PDE1A: variants seen among roughly 807,000 people sequenced by gnomAD.
PDE1A encodes dual specificity calcium/calmodulin-dependent 3',5'-cyclic nucleotide phosphodiesterase 1A.
PDE1A carries 35 observed loss-of-function variants against 61.7 expected under a neutral mutation model. The observed-to-expected ratio is 0.57, with a 90% confidence interval of 0.43 to 0.75. The LOEUF (loss-of-function observed/expected upper bound fraction) is 0.75. PDE1A is among the 30% of genes least tolerant of loss of function. The pLI is 0.00. For missense variants in PDE1A, 597 were observed against 630.6 expected, an observed-to-expected ratio of 0.95 and a Z score of 0.57; for synonymous variants, 232 against 213.2, an observed-to-expected ratio of 1.09 and a Z score of -0.77.
Position 182,240,245 on chromosome 2 carries a change from GAGTC to G in PDE1A, c.211_214del (p.Asp71GlnfsTer20). 1 of 1,612,486 alleles carries G rather than the reference GAGTC, an allele frequency of 6.2e-7. No individual in the cohort carries two copies. The highest frequency in any genetic ancestry group is 2.2e-5 in the East Asian group (1 of 44,856). The stretch of plus-strand genomic sequence containing the variant: ...CCAGTCCCGGACTTCAGATGGGACT[GAGTC>G]AGTCTGAATGTCACTGAGCTCATCT... On this transcript the variant is annotated frameshift_variant, in exon 3 of 14. Coordinates refer to ENST00000351439, the Ensembl canonical transcript of PDE1A. LOFTEE classifies it high-confidence loss of function.
chr2:182,245,856 T>C (rs1274180718), intron 2 of PDE1A, among the ~76,000 whole-genome samples: 1 of 149,794 alleles, frequency 6.7e-6, no homozygotes, highest in Non-Finnish European at 1.5e-5. Context: ...AGGAACACAA[T>C]GGCTGGATGG....
At chr2:182,414,201 A>G (rs1285804873) in intron 1 of PDE1A, among the ~76,000 whole-genome samples, 1 of 152,136 alleles carries the variant, frequency 6.6e-6, no homozygotes, top group Non-Finnish European at 1.5e-5. Context: ...TTTGAAGATA[A>G]ATGAATGGAA....
At chr2:182,331,440 T>C (rs2124946584) in intron 1 of PDE1A, among the ~76,000 whole-genome samples, 1 of 152,302 alleles carries the variant, frequency 6.6e-6, no homozygotes, top group East Asian at 1.9e-4. Flanking sequence ...TTCTTCATAG[T>C]GTCGATGGTC....
intron 1 of PDE1A, among the ~76,000 whole-genome samples, chr2:182,294,890 A>G (rs958427179): frequency 2.0e-5 from 3 of 152,050 alleles, no homozygotes; most frequent in Non-Finnish European, 2.9e-5. Context: ...ATAAGGGAAC[A>G]GAGGGAAACA....
At chr2:182,478,768 T>G (rs1443459875) in intron 2 of PDE1A, among the ~76,000 whole-genome samples, 1 of 151,852 alleles carries the variant, frequency 6.6e-6, no homozygotes, top group Non-Finnish European at 1.5e-5. Context: ...CTATATAACT[T>G]TTCATGCCCC....
At chr2:182,606,852 T>A in the PDE1A span, among the ~76,000 whole-genome samples, 5 of 152,136 alleles carry the variant, frequency 3.3e-5, no homozygotes, top group East Asian at 9.6e-4. Flanking sequence ...GAAGAGCAAG[T>A]ACAAAGGTGT....
intron 8 of PDE1A, among the ~76,000 whole-genome samples, chr2:182,205,259 T>C (rs1476129199): frequency 1.3e-5 from 2 of 152,186 alleles, no homozygotes; most frequent in African/African-American, 2.4e-5. Context: ...GAAGTTCATA[T>C]TTAATTGATT....
intron 1 of PDE1A, among the ~76,000 whole-genome samples, chr2:182,400,833 T>TCA (rs1409632919): frequency 6.6e-6 from 1 of 152,186 alleles, no homozygotes; most frequent in Non-Finnish European, 1.5e-5. Context: ...TCTAAACTCG[T>TCA]CACAGAGATT....
At chr2:182,541,051 G>T in the PDE1A span, among the ~76,000 whole-genome samples, 2 of 152,030 alleles carry the variant, frequency 1.3e-5, no homozygotes, top group Admixed American at 6.6e-5. Context: ...AGGAACGATG[G>T]CTGATTGGCT....
At chr2:182,208,462 C>A (rs965565328) in intron 7 of PDE1A, among the ~76,000 whole-genome samples, 3 of 152,180 alleles carry the variant, frequency 2.0e-5, no homozygotes, top group Non-Finnish European at 2.9e-5. Context: ...GATCCAGTTA[C>A]CTCCCAACAG....
chr2:182,596,595 AAAAC>A, the PDE1A span, among the ~76,000 whole-genome samples: 1 of 152,228 alleles, frequency 6.6e-6, no homozygotes, highest in Non-Finnish European at 1.5e-5. Context: ...ACTCCATTGA[AAAAC>A]AAATAAGGCT....
At chr2:182,393,225 G>A (rs758206867) in intron 1 of PDE1A, among the ~76,000 whole-genome samples, 3 of 152,142 alleles carry the variant, frequency 2.0e-5, no homozygotes, top group Non-Finnish European at 4.4e-5. Context: ...GCAGCCACAC[G>A]CCCAACACCA....
intron 13 of PDE1A, among the ~76,000 whole-genome samples, chr2:182,153,998 T>A (rs1690933001): frequency 1.3e-5 from 2 of 152,230 alleles, no homozygotes; most frequent in Non-Finnish European, 2.9e-5. Context: ...ACAAATTAAC[T>A]GTAGAATATT....
intron 1 of PDE1A, among the ~76,000 whole-genome samples, chr2:182,374,869 A>T (rs575445083): frequency 6.6e-6 from 1 of 152,352 alleles, no homozygotes; most frequent in Non-Finnish European, 1.5e-5. Flanking sequence ...TTACAGTTGC[A>T]TATGGCTGGG....
downstream of PDE1A, among the ~76,000 whole-genome samples, chr2:182,164,368 C>T (rs1691541016): frequency 6.6e-6 from 1 of 152,020 alleles, no homozygotes; most frequent in African/African-American, 2.4e-5. Flanking sequence ...TGGTCAAGGA[C>T]TTGGAAGGAA....
the PDE1A span, among the ~76,000 whole-genome samples, chr2:182,598,963 C>G: frequency 1.3e-5 from 2 of 152,180 alleles, no homozygotes; most frequent in East Asian, 3.9e-4. Context: ...GGCTGGAGTT[C>G]TCCAGACAGC....
At chr2:182,248,125 T>C (rs1349028503) in intron 2 of PDE1A, among the ~76,000 whole-genome samples, 1 of 151,746 alleles carries the variant, frequency 6.6e-6, no homozygotes, top group African/African-American at 2.4e-5. Flanking sequence ...GGTGTGGTGG[T>C]GCATGCTTGC....
chr2:182,208,264 A>G (rs1275576116), intron 7 of PDE1A, among the ~76,000 whole-genome samples: 1 of 152,138 alleles, frequency 6.6e-6, no homozygotes, highest in African/African-American at 2.4e-5. Flanking sequence ...ACAGTTCTGC[A>G]TGGCTGGTGG....
At position 182,442,966 on chromosome 2, in the gene PDE1A, G is replaced by A. The variant is rs547889755; in HGVS notation, c.101+79310C>T. Among the ~76,000 whole-genome samples the A allele has an allele frequency of 4.6e-5, 7 of 151,994 alleles. No homozygotes were observed. In the East Asian group the frequency reaches 5.8e-4, roughly 13 times the overall value. ...ATTTACAAACAAAACAAAACAATCCGTAATAAATAAGATGGGTAATCTGTG... is the reference window on the plus strand; with the variant it reads ...ATTTACAAACAAAACAAAACAATCCATAATAAATAAGATGGGTAATCTGTG... On this transcript the variant is annotated intron_variant, in intron 2 of 14. Transcript: ENST00000410103.
Sources: allele counts gnomAD v4.1 joint callset (sites outside exome capture counted in the v4.1 genomes callset), GRCh38; gene constraint gnomAD v4.1.1; transcripts MANE v1.5; gene names NCBI Gene and HGNC (gene_info 2026-07-23, HGNC 2026-07-21).